Variants in DNAH9 observed in about 807,000 individuals in gnomAD.
DNAH9 encodes dynein axonemal heavy chain 9, also known as DNAH9 variant protein.
DNAH9 carries 345 observed loss-of-function variants against 471.6 expected under a neutral mutation model. The ratio of observed to expected loss-of-function variants is 0.73; its 90% CI spans 0.67 to 0.80. The LOEUF is 0.80. Among genes scored for constraint, DNAH9 ranks in the 30% least tolerant of loss-of-function variants. DNAH9 has a pLI of 0.00. For missense variants in DNAH9, 5,407 were observed against 5,609.2 expected (o/e 0.96, Z 1.15); for synonymous variants, 2,093 against 2,123.6 (o/e 0.99, Z 0.40).
intron 8 of DNAH9, 36 bp downstream of exon 8, chr17:11,632,739 G>C: frequency 1.0e-6 from 1 of 1,003,324 alleles, no homozygotes; most frequent in Non-Finnish European, 1.6e-6. Flanking sequence ...CTCGGTCCTG[G>C]ATACTCCCCC....
Position 11,744,908 on chromosome 17 carries a change from C to G in DNAH9, c.6223C>G (p.Arg2075Gly). Residue 2075 changes from arginine (R) to glycine (G), a missense_variant, in exon 31 of 69, where the codon CGG (arginine) becomes GGG (glycine). Arg to Gly is a moderately radical substitution (Grantham distance 125). Around this residue, in one of 3 missense-constraint regions of DNAH9, gnomAD observed 4,636 missense variants for 4,900.3 expected, o/e 0.95. Transcript: ENST00000262442. Reference sequence around the variant, plus strand: ...GGACCAGGTCCTGATGCGCTCCTTGCGGGATTTCAACATCCCCAAGATTGT... The same window carrying G: ...GGACCAGGTCCTGATGCGCTCCTTGGGGGATTTCAACATCCCCAAGATTGT... ...PEDQVLMRSL[R>G]DFNIPKIVTD... 1.2e-6 allele frequency: 2 copies of G among 1,614,116 alleles called. No homozygotes were observed.
chr17:11,694,203 T>C lies in DNAH9; in HGVS notation c.4746-118T>C, dbSNP rs961865333. 3.1e-6 allele frequency: 4 copies of C among 1,294,582 alleles called. No homozygotes were observed. In the African/African-American group the frequency reaches 5.9e-5, roughly 19 times the overall value. 80.2% of individuals were successfully genotyped at this position (1,294,582 alleles called of 1,614,324 possible). ...GTATATCTTTGCAAATATCTCTAAG[T>C]GTTTCTTGTGCTAATGCATATGTTC... On this transcript the variant is annotated intron_variant, in intron 21 of 68. Transcript: ENST00000262442.
intron 1 of DNAH9, among the ~76,000 whole-genome samples, chr17:11,603,316 T>C (rs1240643070): frequency 6.6e-6 from 1 of 152,230 alleles, no homozygotes; most frequent in Non-Finnish European, 1.5e-5. Flanking sequence ...AGAAAAATCT[T>C]TCTTCTTTCA....
At chr17:11,879,735 A>G (rs80136332) in intron 53 of DNAH9, among the ~76,000 whole-genome samples, 3 of 152,184 alleles carry the variant, frequency 2.0e-5, no homozygotes, top group Non-Finnish European at 4.4e-5. Context: ...GTAAAAAAAA[A>G]CAGGTTATAA....
At chr17:11,866,937 A>G (rs555276917) in intron 50 of DNAH9, among the ~76,000 whole-genome samples, 56 of 152,304 alleles carry the variant, frequency 3.7e-4, no homozygotes, top group Non-Finnish European at 7.5e-4. Flanking sequence ...CGTTTCTTTG[A>G]CTAGGAAAGG....
intron 38 of DNAH9, among the ~76,000 whole-genome samples, chr17:11,778,534 T>G (rs924860909): frequency 6.6e-6 from 1 of 151,848 alleles, no homozygotes; most frequent in Admixed American, 6.6e-5. Context: ...GTGATCCAAT[T>G]TACATTTTAC....
At position 11,662,786 on chromosome 17, in the gene DNAH9, C is replaced by T. The variant is rs371685609; in HGVS notation, c.2596-2047C>T. Among the ~76,000 whole-genome samples the T allele has an allele frequency of 1.1e-3, 115 of 108,954 alleles. 1 individual carries two copies. The East Asian group carries it at 0.031, about 30-fold the overall frequency. 71.5% of individuals were successfully genotyped at this position (108,954 alleles called of 152,430 possible). A position where few individuals can be genotyped will look rare whatever the true frequency, so the allele number is the denominator to read the frequency against. On this transcript the variant is annotated intron_variant, in intron 14 of 68. Transcript: ENST00000262442. ...TTTTTTTTTTTTTGAGACGGAGTCTCGCTCTGTCGCCCAGGCTGGAGTGCA... is the reference window on the plus strand; with the variant it reads ...TTTTTTTTTTTTTGAGACGGAGTCTTGCTCTGTCGCCCAGGCTGGAGTGCA...
intron 26 of DNAH9, among the ~76,000 whole-genome samples, chr17:11,709,775 G>T (rs533652571): frequency 2.4e-4 from 36 of 152,236 alleles, no homozygotes; most frequent in Non-Finnish European, 3.5e-4. Context: ...CTCCTGCTTT[G>T]CTCCCCTTCC....
In DNAH9 at chr17:11,632,714, A is replaced by G; in HGVS notation, c.1635+11A>G. The G allele has an allele frequency of 2.9e-6, 4 of 1,391,456 alleles. No homozygotes were observed. Among genetic ancestry groups the G allele is most frequent in the Non-Finnish European group, 4.1e-6 (4 of 977,032 alleles). 86.2% of individuals were successfully genotyped at this position (1,391,456 alleles called of 1,614,324 possible). On this transcript the variant is annotated intron_variant, in intron 8 of 68. Transcript: ENST00000262442. Reference sequence around the variant, plus strand: ...GAGCATGCCTTTAAGGTTTGTGTAAATGGGGCAGGAGCCACTCGGTCCTGG... The same window carrying G: ...GAGCATGCCTTTAAGGTTTGTGTAAGTGGGGCAGGAGCCACTCGGTCCTGG...
At chr17:11,753,110 C>A in intron 33 of DNAH9, 150 bp downstream of exon 33, 1 of 569,986 alleles carries the variant, frequency 1.8e-6, no homozygotes, top group Admixed American at 3.2e-5. Flanking sequence ...CACATCTCTG[C>A]ACTGATAAAT....
intron 59 of DNAH9, 106 bp downstream of exon 59, chr17:11,894,602 G>A: frequency 8.9e-6 from 13 of 1,461,658 alleles, no homozygotes; most frequent in Non-Finnish European, 1.2e-5. Context: ...GTTCAAGCAT[G>A]GAGCTGTGTT....
At chr17:11,734,427 T>C (rs2075313942) in intron 28 of DNAH9, among the ~76,000 whole-genome samples, 1 of 152,200 alleles carries the variant, frequency 6.6e-6, no homozygotes, top group Admixed American at 6.5e-5. Flanking sequence ...CTAAAAACTT[T>C]CCACATGGTT....
rs780605672 is a variant in DNAH9, at chr17:11,610,481, A to G, written c.700A>G (p.Arg234Gly). Residue 234 changes from arginine (R) to glycine (G), a missense_variant, in exon 3 of 69, where the codon AGA becomes GGA. Arg to Gly is a moderately radical substitution (Grantham distance 125). This residue lies in a region of DNAH9 where 767 missense variants were observed against 692.5 expected (regional missense o/e 1.11). Coordinates refer to ENST00000262442, the MANE Select transcript of DNAH9 (RefSeq NM_001372.4). ...WSYQVQVVLK[R>G]ESSQPLLQGE... Reference sequence around the variant, plus strand: ...CTACCAAGTCCAGGTGGTACTCAAGAGAGAGTCTTCCCAGCCACTCTTACA... The same window carrying G: ...CTACCAAGTCCAGGTGGTACTCAAGGGAGAGTCTTCCCAGCCACTCTTACA... 3 of 1,613,798 alleles carry G rather than the reference A, an allele frequency of 1.9e-6. No individual in the cohort carries two copies. The highest frequency in any genetic ancestry group is 2.5e-6 in the Non-Finnish European group (3 of 1,179,974).
At chr17:11,791,584 G>T (rs948937310) in intron 41 of DNAH9, among the ~76,000 whole-genome samples, 3 of 152,056 alleles carry the variant, frequency 2.0e-5, no homozygotes, top group African/African-American at 7.2e-5. Context: ...GGTGGTGCGT[G>T]CCTATAATTC....
At chr17:11,678,261 T>G (rs2074080076) in intron 17 of DNAH9, among the ~76,000 whole-genome samples, 1 of 152,168 alleles carries the variant, frequency 6.6e-6, no homozygotes. Flanking sequence ...TTTCATCATG[T>G]TGACCAGGCT....
At chr17:11,839,515 CAA>C (rs1187144134) in intron 49 of DNAH9, among the ~76,000 whole-genome samples, 17 of 106,046 alleles carry the variant, frequency 1.6e-4, no homozygotes, top group Admixed American at 2.0e-4. Flanking sequence ...GACTCTGTCT[CAA>C]AAAAAAAAAA....
intron 57 of DNAH9, among the ~76,000 whole-genome samples, chr17:11,888,010 T>G (rs1972932455): frequency 6.7e-6 from 1 of 148,470 alleles, no homozygotes; most frequent in African/African-American, 2.5e-5. Context: ...TGAGAGGGAG[T>G]CTCGCTTTGT....
intron 65 of DNAH9, among the ~76,000 whole-genome samples, chr17:11,934,818 T>C (rs547993128): frequency 7.2e-5 from 11 of 152,292 alleles, no homozygotes; most frequent in Non-Finnish European, 1.2e-4. Flanking sequence ...GTAAAGTTTC[T>C]GTGGGTGATT....
chr17:11,773,648 G>C (rs558534741), intron 38 of DNAH9, among the ~76,000 whole-genome samples: 1 of 152,230 alleles, frequency 6.6e-6, no homozygotes, highest in South Asian at 2.1e-4. Flanking sequence ...GTTGTCCCTG[G>C]CAAGGGAAAC....
Sources: allele counts gnomAD v4.1 joint callset (sites outside exome capture counted in the v4.1 genomes callset), GRCh38; gene constraint gnomAD v4.1.1; regional missense constraint gnomAD v4.1.1; transcripts MANE v1.5; gene names NCBI Gene and HGNC (gene_info 2026-07-23, HGNC 2026-07-21).